The following GNA13 variants were observed in gnomAD, a reference collection of about 807,000 sequenced individuals.
The protein encoded by GNA13 is G protein subunit alpha 13.
Under a neutral mutation model 33.5 loss-of-function variants are expected in GNA13, and 4 were observed. That is an observed-to-expected ratio of 0.12 (90% CI 0.06 to 0.27). The LOEUF is 0.27. Among genes scored for constraint, GNA13 ranks in the 10% least tolerant of loss-of-function variants. The pLI, the probability that GNA13 is intolerant of heterozygous loss-of-function variation, is 1.00. For missense variants in GNA13, 319 were observed against 487.2 expected (o/e 0.65, Z 3.25); for synonymous variants, 176 against 183.8 (o/e 0.96, Z 0.34).
At chr17:65,029,053 T>C (rs1273064990) in intron 2 of GNA13, among the ~76,000 whole-genome samples, 2 of 152,222 alleles carry the variant, frequency 1.3e-5, no homozygotes, top group Admixed American at 6.5e-5. Flanking sequence ...GGGAAAAACT[T>C]GGTGAACACT....
At chr17:65,034,448 G>A (rs191973561) in intron 2 of GNA13, among the ~76,000 whole-genome samples, 26 of 149,160 alleles carry the variant, frequency 1.7e-4, no homozygotes, top group Non-Finnish European at 2.2e-4. Flanking sequence ...ACAGACACCC[G>A]CCACCACGCC....
chr17:65,029,813 C>T (rs747768058), intron 2 of GNA13, among the ~76,000 whole-genome samples: 20 of 151,918 alleles, frequency 1.3e-4, no homozygotes, highest in Non-Finnish European at 2.1e-4. Context: ...CTGTTTCCAT[C>T]TTATTATTTC....
chr17:65,049,688 G>A (rs1482371025), intron 2 of GNA13, among the ~76,000 whole-genome samples: 1 of 152,196 alleles, frequency 6.6e-6, no homozygotes, highest in Non-Finnish European at 1.5e-5. Context: ...CTAAGGCACT[G>A]TTCCTGGGGA....
intron 2 of GNA13, among the ~76,000 whole-genome samples, chr17:65,028,042 C>T (rs770940817): frequency 8.6e-5 from 13 of 151,868 alleles, no homozygotes; most frequent in Non-Finnish European, 1.5e-4. Context: ...ATCGAGCTCA[C>T]GGTGAAACCC....
intron 3 of GNA13, 39 bp downstream of exon 3, chr17:65,018,214 A>G (rs1310227255): frequency 9.1e-7 from 1 of 1,093,168 alleles, no homozygotes; most frequent in Admixed American, 1.7e-5. Context: ...TTCTGCTTTC[A>G]AATGGCACTA....
chr17:65,044,459 A>G (rs1567826219), intron 2 of GNA13, among the ~76,000 whole-genome samples: 1 of 152,208 alleles, frequency 6.6e-6, no homozygotes, highest in Non-Finnish European at 1.5e-5. Flanking sequence ...TCTCATTTCC[A>G]GAAATACACA....
chr17:65,031,896 A>AAG (rs1292025516), intron 2 of GNA13, among the ~76,000 whole-genome samples: 88 of 71,390 alleles, frequency 1.2e-3, no homozygotes, highest in African/African-American at 1.5e-3. Context: ...GAGAGAGAGA[A>AAG]AGAGAGAGAG....
chr17:65,037,059 T>G (rs565656007), intron 2 of GNA13, among the ~76,000 whole-genome samples: 6 of 152,326 alleles, frequency 3.9e-5, no homozygotes, highest in African/African-American at 1.4e-4. Context: ...GCAATGTATA[T>G]AACTGATCAG....
chr17:65,056,265 C>A, intron 1 of GNA13, 46 bp downstream of exon 1: 3 of 1,288,366 alleles, frequency 2.3e-6, no homozygotes, highest in South Asian at 1.3e-5. Context: ...GCCGCCGCCC[C>A]AGCCCCCCTG....
chr17:65,040,224 A>G (rs1907404356), intron 2 of GNA13, among the ~76,000 whole-genome samples: 1 of 152,198 alleles, frequency 6.6e-6, no homozygotes, highest in African/African-American at 2.4e-5. Flanking sequence ...ATAACATACC[A>G]TAATTGGAAA....
intron 3 of GNA13, among the ~76,000 whole-genome samples, 169 bp downstream of exon 3, chr17:65,018,084 G>A (rs1317658697): frequency 4.9e-4 from 17 of 34,876 alleles, no homozygotes; most frequent in Non-Finnish European, 8.0e-4. Context: ...GAATCAGAAC[G>A]CCACCACTAA....
chr17:65,032,733 G>C (rs1407182890), intron 2 of GNA13, among the ~76,000 whole-genome samples: 3 of 152,078 alleles, frequency 2.0e-5, no homozygotes, highest in Non-Finnish European at 2.9e-5. Context: ...TGTCACACGG[G>C]ACCTATTCTA....
chr17:65,056,244 G>GCCCCCCCCCCCC, intron 1 of GNA13, 67 bp downstream of exon 1: 1 of 1,032,480 alleles, frequency 9.7e-7, no homozygotes, highest in Non-Finnish European at 1.4e-6. Context: ...GCGGTGCCCC[G>GCCCCCCCCCCCC]CCCCGCACCC....
At chr17:65,027,468 A>G (rs1231048394) in intron 2 of GNA13, among the ~76,000 whole-genome samples, 1 of 152,080 alleles carries the variant, frequency 6.6e-6, no homozygotes, top group Non-Finnish European at 1.5e-5. Flanking sequence ...TTAAAAATCT[A>G]AGAAAACCTT....
At chr17:65,044,861 G>T (rs1413402947) in intron 2 of GNA13, among the ~76,000 whole-genome samples, 8 of 151,712 alleles carry the variant, frequency 5.3e-5, no homozygotes, top group Admixed American at 5.3e-4. Flanking sequence ...CGGCCAACAT[G>T]GTGAAACCCT....
chr17:65,031,117 T>C (rs1244535209), intron 2 of GNA13, among the ~76,000 whole-genome samples: 1 of 152,182 alleles, frequency 6.6e-6, no homozygotes, highest in Non-Finnish European at 1.5e-5. Context: ...TCTTAATTAC[T>C]AGCATACACA....
intron 2 of GNA13, among the ~76,000 whole-genome samples, chr17:65,026,531 T>C (rs1047504643): frequency 3.9e-5 from 6 of 152,152 alleles, no homozygotes; most frequent in Non-Finnish European, 5.9e-5. Flanking sequence ...AAAGTAAGTA[T>C]AATTAAAGAA....
At chr17:65,047,078 A>ATT (rs1398208491) in intron 2 of GNA13, among the ~76,000 whole-genome samples, 1 of 152,252 alleles carries the variant, frequency 6.6e-6, no homozygotes, top group East Asian at 1.9e-4. Flanking sequence ...ACTGACGGAA[A>ATT]TTTTAAAAAA....
intron 2 of GNA13, among the ~76,000 whole-genome samples, chr17:65,025,214 A>G (rs1027683060): frequency 3.9e-5 from 6 of 152,192 alleles, no homozygotes; most frequent in Admixed American, 1.3e-4. Flanking sequence ...GTGGATTTCA[A>G]GCAGTATTTG....
Sources: gnomAD v4.1 joint callset for allele counts (sites outside exome capture counted in the v4.1 genomes callset) on GRCh38, gnomAD v4.1.1 for gene constraint, MANE v1.5 for transcripts, NCBI Gene and HGNC (gene_info 2026-07-23, HGNC 2026-07-21) for gene names.